The following OTUD7A variants were observed in gnomAD, a reference collection of about 807,000 sequenced individuals.
OTUD7A encodes OTU deubiquitinase 7A.
A neutral mutation model predicts 65.7 loss-of-function variants in OTUD7A; 12 were observed. That is an observed-to-expected ratio of 0.18 (90% CI 0.12 to 0.30). OTUD7A has a LOEUF of 0.30. Among genes scored for constraint, OTUD7A ranks in the 10% least tolerant of loss-of-function variants. The pLI is 1.00. For synonymous variants in OTUD7A, 641 were observed against 586.3 expected (o/e 1.09, Z -1.35); for missense variants, 1,148 against 1,304.8 (o/e 0.88, Z 1.85).
chr15:31,856,202 T>C (rs1357262459), intron 1 of OTUD7A, among the ~76,000 whole-genome samples: 1 of 152,252 alleles, frequency 6.6e-6, no homozygotes, highest in East Asian at 1.9e-4. Context: ...AAAAATGTAA[T>C]AATCTCCAAC....
intron 5 of OTUD7A, 114 bp from the exon 6 acceptor site, chr15:31,530,922 A>T: frequency 1.4e-6 from 1 of 694,648 alleles, no homozygotes; most frequent in Middle Eastern, 3.9e-4. Context: ...TTCAATAGAA[A>T]GGGGGAACAT....
At chr15:31,577,849 G>GT (rs1219162129) in intron 3 of OTUD7A, among the ~76,000 whole-genome samples, 3 of 150,808 alleles carry the variant, frequency 2.0e-5, no homozygotes, top group Non-Finnish European at 1.5e-5. Context: ...ACAGAAGCAG[G>GT]TTTTGTTTTC....
intron 1 of OTUD7A, among the ~76,000 whole-genome samples, chr15:31,861,479 T>C (rs574343671): frequency 1.3e-5 from 2 of 152,328 alleles, no homozygotes; most frequent in South Asian, 4.1e-4. Flanking sequence ...TGCCAGATTG[T>C]AAATGGGATA....
At chr15:31,617,397 G>C (rs1890624044) in intron 3 of OTUD7A, among the ~76,000 whole-genome samples, 1 of 152,024 alleles carries the variant, frequency 6.6e-6, no homozygotes, top group African/African-American at 2.4e-5. Context: ...TGAGGCAGAA[G>C]AATTGCTTGA....
intron 1 of OTUD7A, among the ~76,000 whole-genome samples, chr15:31,679,176 C>A (rs1343845681): frequency 6.6e-6 from 1 of 152,188 alleles, no homozygotes; most frequent in East Asian, 1.9e-4. Flanking sequence ...GCTGTATTCA[C>A]CCAATGCTTG....
chr15:31,844,858 C>T (rs1002592906), intron 1 of OTUD7A, among the ~76,000 whole-genome samples: 4 of 152,232 alleles, frequency 2.6e-5, no homozygotes, highest in African/African-American at 9.6e-5. Flanking sequence ...ATCCTTTCTT[C>T]CTGTCACTCA....
intron 5 of OTUD7A, chr15:31,556,755 C>T (rs769776604): frequency 6.6e-6 from 1 of 151,806 alleles, no homozygotes; most frequent in African/African-American, 2.4e-5. Flanking sequence ...TCTACACCGC[C>T]GTAGCATTCA....
intron 1 of OTUD7A, among the ~76,000 whole-genome samples, chr15:31,762,901 G>A (rs1895005237): frequency 6.6e-6 from 1 of 152,104 alleles, no homozygotes; most frequent in South Asian, 2.1e-4. Context: ...AACAACATAT[G>A]CTACTCCGAG....
chr15:31,846,511 G>A (rs1014263907), intron 1 of OTUD7A, among the ~76,000 whole-genome samples: 7 of 152,042 alleles, frequency 4.6e-5, no homozygotes, highest in African/African-American at 9.7e-5. Context: ...GAATAAGAAC[G>A]GGCAGGAACT....
chr15:31,543,445 C>G (rs1888042501), intron 5 of OTUD7A, among the ~76,000 whole-genome samples: 1 of 151,774 alleles, frequency 6.6e-6, no homozygotes, highest in African/African-American at 2.4e-5. Context: ...TGTTAAAAGA[C>G]AAAGGCTGTG....
In OTUD7A at chr15:31,501,660, T is replaced by C. The variant is rs201726827; in HGVS notation, c.1171+30A>G. ...TGGCTCTGCCCCCACCCTAGGCTCCTGCGTGCACTCTCTTGGGAGACAGGC... is the reference window on the plus strand; with the variant it reads ...TGGCTCTGCCCCCACCCTAGGCTCCCGCGTGCACTCTCTTGGGAGACAGGC... On this transcript the variant is annotated intron_variant, in intron 10 of 12. Coordinates refer to ENST00000307050, the MANE Select transcript of OTUD7A (RefSeq NM_001382637.1). The C allele has an allele frequency of 4.3e-6, 7 of 1,613,968 alleles. 1 individual carries two copies. The Admixed American group carries it at 1.2e-4, about 27-fold the overall frequency.
At chr15:31,567,278 G>A (rs1230060197) in intron 4 of OTUD7A, among the ~76,000 whole-genome samples, 1 of 152,230 alleles carries the variant, frequency 6.6e-6, no homozygotes, top group African/African-American at 2.4e-5. Flanking sequence ...TTAGCAAAGA[G>A]CTCAGCTGCA....
At chr15:31,778,215 A>G (rs1895439718) in intron 1 of OTUD7A, among the ~76,000 whole-genome samples, 1 of 152,322 alleles carries the variant, frequency 6.6e-6, no homozygotes, top group African/African-American at 2.4e-5. Context: ...TACCTTGTCT[A>G]CAAGGCTGTT....
intron 5 of OTUD7A, among the ~76,000 whole-genome samples, chr15:31,535,672 TTG>T (rs1430937314): frequency 2.2e-5 from 3 of 138,880 alleles, no homozygotes; most frequent in African/African-American, 6.3e-5. Context: ...GGTTCTGTTT[TTG>T]TTTTTTTTTT....
chr15:31,556,441 T>C (rs1888497553), intron 5 of OTUD7A: 2 of 152,210 alleles, frequency 1.3e-5, no homozygotes, highest in African/African-American at 4.8e-5. Flanking sequence ...CTCACTAAGT[T>C]TGGGTTTTTA....
chr15:31,754,858 T>A (rs533343135), intron 1 of OTUD7A, among the ~76,000 whole-genome samples: 60 of 152,310 alleles, frequency 3.9e-4, no homozygotes, highest in African/African-American at 1.3e-3. Flanking sequence ...TCCTGAAAGC[T>A]TCTCAGGGAC....
At chr15:31,775,991 G>C (rs553902702) in intron 1 of OTUD7A, among the ~76,000 whole-genome samples, 1 of 152,202 alleles carries the variant, frequency 6.6e-6, no homozygotes, top group Non-Finnish European at 1.5e-5. Context: ...CACAGACACA[G>C]AACTGATGAA....
chr15:31,531,351 T>C (rs1387457583), intron 5 of OTUD7A, among the ~76,000 whole-genome samples: 1 of 151,964 alleles, frequency 6.6e-6, no homozygotes, highest in Non-Finnish European at 1.5e-5. Context: ...GCCCTGGAAA[T>C]TATGTATAAA....
At chr15:31,618,275 A>G (rs1185117849) in intron 3 of OTUD7A, among the ~76,000 whole-genome samples, 5 of 152,296 alleles carry the variant, frequency 3.3e-5, no homozygotes, top group East Asian at 1.9e-4. Context: ...ATGATTTATA[A>G]TCCTTTGGGT....
Sources: gnomAD v4.1 joint callset for allele counts (sites outside exome capture counted in the v4.1 genomes callset) on GRCh38, gnomAD v4.1.1 for gene constraint, MANE v1.5 for transcripts, NCBI Gene and HGNC (gene_info 2026-07-23, HGNC 2026-07-21) for gene names.